The following PEX5L variants were observed in gnomAD, a reference collection of about 807,000 sequenced individuals.
PEX5L encodes the protein PEX5-related protein.
A neutral mutation model predicts 84.0 loss-of-function variants in PEX5L; 30 were observed. The ratio of observed to expected loss-of-function variants is 0.36; its 90% confidence interval spans 0.27 to 0.48. The LOEUF (loss-of-function observed/expected upper bound fraction) is 0.48. Ranked by LOEUF, PEX5L falls within the 20% of genes least tolerant of loss-of-function variation. The pLI, the probability that PEX5L is intolerant of heterozygous loss-of-function variation, is 0.99. For synonymous variants in PEX5L, 270 were observed against 283.1 expected (o/e 0.95, Z 0.46); for missense variants, 533 against 754.6 (o/e 0.71, Z 3.44).
chr3:179,926,034 T>C (rs1414431421), intron 2 of PEX5L, among the ~76,000 whole-genome samples: 1 of 152,178 alleles, frequency 6.6e-6, no homozygotes, highest in Admixed American at 6.5e-5. Flanking sequence ...AATATTTCTG[T>C]TTTTGGCACT....
chr3:179,944,042 C>A (rs1776874045), intron 2 of PEX5L, among the ~76,000 whole-genome samples: 1 of 151,078 alleles, frequency 6.6e-6, no homozygotes, highest in African/African-American at 2.5e-5. Flanking sequence ...ACTTATATTC[C>A]ACTCAAATTA....
chr3:179,958,344 T>C (rs1427256667), intron 2 of PEX5L, among the ~76,000 whole-genome samples: 1 of 152,172 alleles, frequency 6.6e-6, no homozygotes, highest in African/African-American at 2.4e-5. Flanking sequence ...GTAGAGAGCA[T>C]AGCCTTCTGG....
In PEX5L at chr3:179,797,605, A is replaced by ATATATAT. The variant is rs1171034649; in HGVS notation, c.*4222_*4223insATATATA. On this transcript the variant is annotated 3_prime_UTR_variant, in exon 15 of 15. Transcript: ENST00000467460. ...AACACTCTTTAAAAAAAAAAAAAAA[A>ATATATAT]ATATATATATATATATATATATATA... The ATATATAT allele has an allele frequency of 1.1e-4, 10 of 89,174 alleles. No individual in the cohort carries two copies. The highest frequency in any genetic ancestry group is 3.9e-4 in the South Asian group (1 of 2,534). 5.5% of individuals were successfully genotyped at this position (89,174 alleles called of 1,614,324 possible). A position where few individuals can be genotyped will look rare whatever the true frequency, so the allele number is the denominator to read the frequency against.
intron 2 of PEX5L, among the ~76,000 whole-genome samples, chr3:179,929,129 CCT>C (rs1772281112): frequency 6.6e-6 from 1 of 152,154 alleles, no homozygotes; most frequent in African/African-American, 2.4e-5. Flanking sequence ...GCAAGGATTA[CCT>C]AAACCAAGGG....
intron 1 of PEX5L, among the ~76,000 whole-genome samples, chr3:180,023,431 C>T (rs1478027067): frequency 2.0e-5 from 3 of 152,158 alleles, no homozygotes; most frequent in Non-Finnish European, 2.9e-5. Flanking sequence ...CCAAACAGCA[C>T]GTCCTCTGAA....
chr3:179,973,353 T>C (rs1785238520), intron 1 of PEX5L: 3 of 1,176,984 alleles, frequency 2.5e-6, no homozygotes, highest in Non-Finnish European at 3.2e-6. Flanking sequence ...TGTACAACAA[T>C]AATTGAAGTA....
At chr3:179,964,568 C>A (rs898550435) in intron 2 of PEX5L, among the ~76,000 whole-genome samples, 1 of 152,092 alleles carries the variant, frequency 6.6e-6, no homozygotes, top group East Asian at 1.9e-4. Flanking sequence ...GGTCTAATAC[C>A]CAGAATCTTT....
intron 1 of PEX5L, among the ~76,000 whole-genome samples, chr3:179,985,200 G>A (rs553133348): frequency 3.3e-5 from 5 of 152,268 alleles, no homozygotes; most frequent in East Asian, 1.9e-4. Context: ...AAGGCCTCTA[G>A]AACAGTGCCT....
intron 1 of PEX5L, among the ~76,000 whole-genome samples, chr3:179,984,276 T>C (rs983275963): frequency 1.3e-5 from 2 of 152,122 alleles, no homozygotes; most frequent in African/African-American, 2.4e-5. Context: ...GATATGATAG[T>C]CTAATTTTCT....
At chr3:179,848,423 T>C (rs984085529) in intron 8 of PEX5L, among the ~76,000 whole-genome samples, 2 of 151,560 alleles carry the variant, frequency 1.3e-5, no homozygotes, top group African/African-American at 2.4e-5. Context: ...TGGTGGTACA[T>C]GTCTATAGTC....
intron 2 of PEX5L, among the ~76,000 whole-genome samples, chr3:179,935,583 AATAC>A (rs1305975586): frequency 2.0e-5 from 3 of 152,130 alleles, no homozygotes; most frequent in African/African-American, 7.2e-5. Context: ...AATAATGAGA[AATAC>A]ATGTTTTTTA....
At chr3:179,862,885 T>C (rs989560096) in intron 7 of PEX5L, among the ~76,000 whole-genome samples, 12 of 152,014 alleles carry the variant, frequency 7.9e-5, no homozygotes, top group African/African-American at 2.7e-4. Context: ...CCCAAAGCAA[T>C]CTTGAGCAAA....
chr3:179,924,927 A>C (rs1770983056), intron 2 of PEX5L, among the ~76,000 whole-genome samples: 1 of 152,234 alleles, frequency 6.6e-6, no homozygotes, highest in East Asian at 1.9e-4. Context: ...AAGCAATCAA[A>C]CAAATATAAT....
At chr3:179,984,509 T>C (rs1786623097) in intron 1 of PEX5L, among the ~76,000 whole-genome samples, 1 of 152,194 alleles carries the variant, frequency 6.6e-6, no homozygotes, top group African/African-American at 2.4e-5. Context: ...ATAAGCCACA[T>C]AAACAAAAGA....
chr3:179,944,000 TCCC>T (rs572399419), intron 2 of PEX5L, among the ~76,000 whole-genome samples: 9 of 147,642 alleles, frequency 6.1e-5, no homozygotes, highest in African/African-American at 1.8e-4. Flanking sequence ...GAATATGCCC[TCCC>T]CCCCCCAAAA....
rs560412081 is a variant in PEX5L at position 179,977,669 on chromosome 3, C to A, written c.22-6004G>T. On this transcript the variant is annotated intron_variant, in intron 1 of 14. Transcript: ENST00000467460. ...TTTCAAGGACGTAAGCTCAAATAGA[C>A]CTTTTGAATGGAGAGTAATTGCCTT... Among the ~76,000 whole-genome samples the A allele has an allele frequency of 4.3e-4, 66 of 152,184 alleles. 1 individual carries two copies. Among genetic ancestry groups the A allele is most frequent in the African/African-American group, 1.4e-3 (60 of 41,506 alleles).
In PEX5L at chr3:179,807,738, G is replaced by T; in HGVS notation, c.1612C>A (p.Gln538Lys). The T allele has an allele frequency of 6.2e-7, 1 of 1,614,178 alleles. No individual in the cohort carries two copies. The highest frequency in any genetic ancestry group is 1.1e-5 in the South Asian group (1 of 91,086). Residue 538 changes from glutamine (Q) to lysine (K), a missense_variant, in exon 14 of 15, where the codon CAG becomes AAG. Transcript: ENST00000467460. ...TATCTGGACCGGATGAATCCTGGCT[G>T]AATCTCCAGTGCTCGCGTATAGGCC... is the stretch of plus-strand genomic sequence containing the variant. ...VEAYTRALEI[Q>K]PGFIRSRYNL...
intron 2 of PEX5L, among the ~76,000 whole-genome samples, chr3:179,955,514 G>C (rs535305204): frequency 6.9e-6 from 1 of 144,596 alleles, no homozygotes; most frequent in Non-Finnish European, 1.5e-5. Flanking sequence ...AGAAGGCACA[G>C]GTGTTAACGA....
intron 2 of PEX5L, among the ~76,000 whole-genome samples, chr3:179,961,383 G>A (rs1781992572): frequency 1.3e-5 from 2 of 151,734 alleles, no homozygotes; most frequent in African/African-American, 4.8e-5. Context: ...AAACAGGTTT[G>A]CAAGAACTGC....
Sources: allele counts gnomAD v4.1 joint callset (sites outside exome capture counted in the v4.1 genomes callset), GRCh38; gene constraint gnomAD v4.1.1; transcripts MANE v1.5; gene names NCBI Gene and HGNC (gene_info 2026-07-23, HGNC 2026-07-21).